The following BCLAF3 variants were observed in gnomAD, a reference collection of about 807,000 sequenced individuals.
BCLAF3 encodes the protein BCLAF1 and THRAP3 family member 3.
A neutral mutation model predicts 51.2 loss-of-function variants in BCLAF3; 24 were observed. That is an observed-to-expected ratio of 0.47 (90% CI 0.34 to 0.66). The LOEUF is 0.66. Among genes scored for constraint, BCLAF3 ranks in the 30% least tolerant of loss-of-function variants. BCLAF3 has a pLI of 0.01. For missense variants in BCLAF3, 465 were observed against 525.1 expected (o/e 0.89, Z 1.12); for synonymous variants, 152 against 176.6 (o/e 0.86, Z 1.10).
At chrX:19,979,322 C>T (rs1472424568) in intron 1 of BCLAF3, among the ~76,000 whole-genome samples, 4 of 111,065 alleles carry the variant, frequency 3.6e-5, no homozygotes, top group African/African-American at 9.8e-5. Flanking sequence ...GATCAGTCAC[C>T]AGCCCATAAA....
intron 4 of BCLAF3, among the ~76,000 whole-genome samples, chrX:19,962,421 A>G (rs1173752762): frequency 8.9e-6 from 1 of 112,090 alleles, no homozygotes; most frequent in Non-Finnish European, 1.9e-5. Context: ...AGCTCAAGCA[A>G]TTAGCCTGCC....
intron 1 of BCLAF3, among the ~76,000 whole-genome samples, chrX:19,982,708 A>T (rs1368872832): frequency 9.0e-6 from 1 of 110,916 alleles, no homozygotes; most frequent in Non-Finnish European, 1.9e-5. Context: ...ACCCCCACAC[A>T]CACCCTAATT....
chrX:19,979,213 G>A (rs1337010246), intron 1 of BCLAF3, among the ~76,000 whole-genome samples: 3 of 110,271 alleles, frequency 2.7e-5, no homozygotes, highest in Non-Finnish European at 3.8e-5. Flanking sequence ...AGTGAGCCAC[G>A]ATTGTGCCAC....
intron 11 of BCLAF3, chrX:19,928,836 A>AC (rs2147733972): frequency 9.0e-6 from 1 of 111,397 alleles, no homozygotes; most frequent in South Asian, 3.8e-4. Flanking sequence ...AAAGACAAAT[A>AC]CCACATAATC....
intron 10 of BCLAF3, 62 bp downstream of exon 10, chrX:19,935,747 A>C (rs1025391419): frequency 4.3e-6 from 4 of 933,071 alleles, no homozygotes; most frequent in African/African-American, 2.0e-5. Context: ...ACTAACACTT[A>C]AAACATTGTG....
intron 1 of BCLAF3, among the ~76,000 whole-genome samples, chrX:19,983,386 C>T (rs2072682963): frequency 9.6e-6 from 1 of 104,288 alleles, no homozygotes; most frequent in Non-Finnish European, 2.0e-5. Flanking sequence ...TCGAGACCAG[C>T]TTGGCCAACA....
At chrX:19,976,537 T>C (rs1360277646) in intron 1 of BCLAF3, among the ~76,000 whole-genome samples, 1 of 111,112 alleles carries the variant, frequency 9.0e-6, no homozygotes, top group Non-Finnish European at 1.9e-5. Context: ...ATTACAGGCA[T>C]GCGCCACCAC....
chrX:19,924,300 TCA>T (rs2070288387), intron 11 of BCLAF3, among the ~76,000 whole-genome samples: 1 of 110,513 alleles, frequency 9.0e-6, no homozygotes, highest in Admixed American at 9.7e-5. Context: ...TAATATCACA[TCA>T]CACTAGGAAA....
chrX:19,914,823 T>C lies in BCLAF3; in HGVS notation c.*2482A>G, dbSNP rs934617489. ...AAAACCAGTAAAACCACCAACAGAATAGTGCCTTCTGAGGTTGGTGAAACC... is the reference window on the plus strand; with the variant it reads ...AAAACCAGTAAAACCACCAACAGAACAGTGCCTTCTGAGGTTGGTGAAACC... On this transcript the variant is annotated 3_prime_UTR_variant, in exon 12 of 12. Transcript: ENST00000379682. 8.9e-6 allele frequency: 1 copy of C among 111,998 alleles called. No homozygotes were observed. The highest frequency in any genetic ancestry group is 3.2e-5 in the African/African-American group (1 of 30,845). The allele number at this position is 111,998 out of a possible 1,213,427, so 9.2% of individuals were successfully genotyped here.
rs1390431980 is a variant in BCLAF3, at chrX:19,937,476, T to C, written c.1802A>G (p.Gln601Arg). The C allele has an allele frequency of 8.4e-7, 1 of 1,187,677 alleles. No homozygotes were observed. The highest frequency in any genetic ancestry group is 1.8e-5 in the South Asian group (1 of 54,952). The stretch of plus-strand genomic sequence containing the variant: ...TGATTTTATAAAATGTGTGGGTTTT[T>C]GGAATCCATCAGTATGAACATTCTT... ...KVKNVHTDGF[Q>R]KPTHFIKSNF... is the part of the protein sequence containing the mutation. Residue 601 changes from glutamine (Q) to arginine (R), a missense_variant, in exon 9 of 12, where the codon CAA (glutamine) becomes CGA (arginine). Transcript: ENST00000379682.
rs150253727 is a variant in BCLAF3 at position 19,976,816 on chromosome X, T to G, written c.-34-6518A>C. On this transcript the variant is annotated intron_variant, in intron 1 of 11. Transcript: ENST00000379682. ...CTGCCTTACTGCGCTTCACAGATAC[T>G]GCATTTTTTACAAATGCAGAATTTT... Among the ~76,000 whole-genome samples, 4 of 112,189 alleles carry G rather than the reference T, an allele frequency of 3.6e-5. No individual in the cohort carries two copies. The Admixed American group carries it at 3.8e-4, about 11-fold the overall frequency.
intron 11 of BCLAF3, chrX:19,923,378 T>G (rs2070241658): frequency 5.8e-6 from 1 of 172,671 alleles, no homozygotes; most frequent in African/African-American, 3.1e-5. Context: ...GTTTCCAGCT[T>G]GGCTTGTCTA....
At chrX:19,940,719 CGCAATAAACATACGTGTGCATGT>C (rs1205498210) in intron 8 of BCLAF3, among the ~76,000 whole-genome samples, 3 of 107,930 alleles carry the variant, frequency 2.8e-5, no homozygotes, top group African/African-American at 1.0e-4. Context: ...TGAATAATGC[CGCAATAAACATACGTGTGCATGT>C]GTCTTTATAG....
In BCLAF3 at chrX:19,917,311, T is replaced by A. The variant is rs1238522206; in HGVS notation, c.2130A>T (p.Gly710=). 3.3e-6 allele frequency: 4 copies of A among 1,200,792 alleles called. No individual in the cohort carries two copies. In the African/African-American group the frequency reaches 7.0e-5, roughly 21 times the overall value. The change falls in exon 12 of 12, where the codon GGA becomes GGT. Residue 710 remains glycine, a synonymous_variant. Coordinates refer to ENST00000379682, the MANE Select transcript of BCLAF3 (RefSeq NM_001367774.2). ...KKKEYTDVAT[G]I is the part of the protein sequence containing the mutation. ...CCATTTGTACGATTTCAGATTAGAT[T>A]CCTGTGGCAACATCTGTATATTCCT...
intron 1 of BCLAF3, among the ~76,000 whole-genome samples, chrX:19,983,826 T>C (rs2072703358): frequency 9.1e-6 from 1 of 110,196 alleles, no homozygotes; most frequent in Admixed American, 9.6e-5. Context: ...CCCAGCACTT[T>C]GGGAGGCTAA....
chrX:19,950,263 C>T (rs767141234), intron 8 of BCLAF3, among the ~76,000 whole-genome samples: 1 of 111,771 alleles, frequency 8.9e-6, no homozygotes, highest in South Asian at 3.7e-4. Flanking sequence ...ATTTCATGGA[C>T]GACATCCAAA....
chrX:19,949,493 C>T (rs967593644), intron 8 of BCLAF3, among the ~76,000 whole-genome samples: 18 of 112,003 alleles, frequency 1.6e-4, no homozygotes, highest in Non-Finnish European at 3.2e-4. Flanking sequence ...GGGTTTCTTA[C>T]ACTTGTTGAG....
At chrX:19,964,616 A>G (rs2071982424) in intron 4 of BCLAF3, among the ~76,000 whole-genome samples, 1 of 111,127 alleles carries the variant, frequency 9.0e-6, no homozygotes, top group Non-Finnish European at 1.9e-5. Flanking sequence ...CTCCCGTATA[A>G]AACTAGGGCC....
intron 8 of BCLAF3, among the ~76,000 whole-genome samples, chrX:19,940,658 T>C (rs1162229506): frequency 9.2e-6 from 1 of 109,284 alleles, no homozygotes; most frequent in East Asian, 2.8e-4. Context: ...ATTTTCTTAA[T>C]CCAGTCTATC....
Sources: gnomAD v4.1 joint callset for allele counts (sites outside exome capture counted in the v4.1 genomes callset) on GRCh38, gnomAD v4.1.1 for gene constraint, MANE v1.5 for transcripts, NCBI Gene and HGNC (gene_info 2026-07-23, HGNC 2026-07-21) for gene names.